The following KLF8 variants were observed in gnomAD, a reference collection of about 807,000 sequenced individuals.
The protein encoded by KLF8 is Krueppel-like factor 8.
KLF8 carries 10 observed loss-of-function variants against 18.2 expected under a neutral mutation model. The observed-to-expected ratio is 0.55, with a 90% CI of 0.34 to 0.93. The LOEUF (loss-of-function observed/expected upper bound fraction) is 0.93. KLF8 is among the 40% of genes least tolerant of loss of function. The pLI, the probability that KLF8 is intolerant of heterozygous loss-of-function variation, is 0.02. For missense variants in KLF8, 264 were observed against 277.9 expected (o/e 0.95, Z 0.36); for synonymous variants, 109 against 97.3 (o/e 1.12, Z -0.71).
the KLF8 span, among the ~76,000 whole-genome samples, chrX:56,135,343 C>T: frequency 9.0e-6 from 1 of 111,412 alleles, no homozygotes; most frequent in Non-Finnish European, 1.9e-5. Context: ...AAATGTGGCA[C>T]ATATACACCA....
At chrX:56,218,159 GAT>G in the KLF8 span, among the ~76,000 whole-genome samples, 1 of 111,008 alleles carries the variant, frequency 9.0e-6, no homozygotes, top group Non-Finnish European at 1.9e-5. Flanking sequence ...AAGGGGCAGG[GAT>G]AAAAGAACTT....
At chrX:55,948,968 A>G in the KLF8 span, among the ~76,000 whole-genome samples, 2 of 112,057 alleles carry the variant, frequency 1.8e-5, no homozygotes, top group Admixed American at 9.5e-5. Flanking sequence ...TTTTAAATAG[A>G]TCATCAATGG....
the KLF8 span, among the ~76,000 whole-genome samples, chrX:55,924,202 T>C: frequency 9.0e-6 from 1 of 111,136 alleles, no homozygotes; most frequent in African/African-American, 3.3e-5. Context: ...CCCGAGTAGC[T>C]AAGACTACAG....
chrX:56,083,615 C>CTA, the KLF8 span, among the ~76,000 whole-genome samples: 1 of 111,797 alleles, frequency 8.9e-6, no homozygotes, highest in South Asian at 3.7e-4. Flanking sequence ...GCTAGATGAT[C>CTA]TATAGCAGGA....
At chrX:56,215,525 C>T in the KLF8 span, among the ~76,000 whole-genome samples, 72 of 109,700 alleles carry the variant, frequency 6.6e-4, no homozygotes, top group Non-Finnish European at 1.3e-3. Flanking sequence ...CTCAGAAATT[C>T]ACATATCCAA....
At chrX:56,260,215 G>T (rs1228673299) in intron 2 of KLF8, among the ~76,000 whole-genome samples, 1 of 111,075 alleles carries the variant, frequency 9.0e-6, no homozygotes, top group African/African-American at 3.3e-5. Flanking sequence ...ATCTCTTCAA[G>T]ATCTTTAATT....
chrX:56,082,915 G>A, the KLF8 span, among the ~76,000 whole-genome samples: 1 of 111,803 alleles, frequency 8.9e-6, no homozygotes, highest in Non-Finnish European at 1.9e-5. Flanking sequence ...TCTTGCTGGG[G>A]ATCTTTTATA....
the KLF8 span, among the ~76,000 whole-genome samples, chrX:56,080,953 C>G: frequency 9.0e-6 from 1 of 111,135 alleles, no homozygotes; most frequent in Non-Finnish European, 1.9e-5. Flanking sequence ...GCTCCTGAGG[C>G]TTCTGCATTC....
At chrX:56,109,062 T>C in the KLF8 span, among the ~76,000 whole-genome samples, 1 of 111,596 alleles carries the variant, frequency 9.0e-6, no homozygotes, top group Non-Finnish European at 1.9e-5. Context: ...CTTTGTGTGG[T>C]TTTGATCTCT....
chrX:55,947,214 A>T, the KLF8 span, among the ~76,000 whole-genome samples: 1 of 110,959 alleles, frequency 9.0e-6, no homozygotes, highest in African/African-American at 3.3e-5. Context: ...ACTATTCACA[A>T]TAGTAAAGAC....
chrX:55,979,281 C>T, the KLF8 span, among the ~76,000 whole-genome samples: 5 of 111,969 alleles, frequency 4.5e-5, no homozygotes, highest in Non-Finnish European at 9.4e-5. Flanking sequence ...CTCTATCCTT[C>T]CTGGGATGTG....
chrX:55,940,362 T>C, the KLF8 span, among the ~76,000 whole-genome samples: 1 of 111,665 alleles, frequency 9.0e-6, no homozygotes. Flanking sequence ...AAATTAGTTA[T>C]TGATGGGACG....
the KLF8 span, among the ~76,000 whole-genome samples, chrX:56,063,883 A>G: frequency 1.8e-5 from 2 of 110,595 alleles, no homozygotes; most frequent in Non-Finnish European, 3.8e-5. Flanking sequence ...CAGTATGGCT[A>G]TGGCAGCTTC....
the KLF8 span, among the ~76,000 whole-genome samples, chrX:56,164,729 C>CTTTTTTTTTTTTTTTTTACTTTTT: frequency 1.9e-5 from 1 of 51,918 alleles, no homozygotes; most frequent in Non-Finnish European, 3.3e-5. Context: ...CTTGTTATCT[C>CTTTTTTTTTTTTTTTTTACTTTTT]TTTTTTTTTT....
At chrX:55,960,802 TAAC>T in the KLF8 span, among the ~76,000 whole-genome samples, 1 of 111,485 alleles carries the variant, frequency 9.0e-6, no homozygotes, top group Non-Finnish European at 1.9e-5. Context: ...AACAACCAAC[TAAC>T]AACATGATAA....
chrX:56,017,700 G>T, the KLF8 span, among the ~76,000 whole-genome samples: 4 of 111,307 alleles, frequency 3.6e-5, no homozygotes, highest in African/African-American at 1.3e-4. Context: ...CCCTTCAGTT[G>T]TATATGATAA....
At position 56,287,162 on chromosome X, in the gene KLF8, T is replaced by G. The variant is rs1223461776; in HGVS notation, c.*2668T>G. On this transcript the variant is annotated 3_prime_UTR_variant, in exon 6 of 6. Coordinates refer to ENST00000468660, the MANE Select transcript of KLF8 (RefSeq NM_007250.5). ...ATTGGGGTCCCTGACATCTGAGCCT[T>G]TATCTAAAAATGTTTCTGTAACATA... 2 of 111,985 alleles carry G rather than the reference T, an allele frequency of 1.8e-5. No individual in the cohort carries two copies. The highest frequency in any genetic ancestry group is 9.5e-5 in the Admixed American group (1 of 10,516). 9.2% of individuals were successfully genotyped at this position (111,985 alleles called of 1,213,427 possible). A position where few individuals can be genotyped will look rare whatever the true frequency, so the allele number is the denominator to read the frequency against.
chrX:56,142,535 A>G, the KLF8 span, among the ~76,000 whole-genome samples: 411 of 111,442 alleles, frequency 3.7e-3, 2 homozygotes, highest in African/African-American at 0.013. Context: ...TTCACATGCC[A>G]TCTAAATGTC....
the KLF8 span, among the ~76,000 whole-genome samples, chrX:56,183,835 T>C: frequency 1.8e-5 from 2 of 111,543 alleles, no homozygotes; most frequent in African/African-American, 6.5e-5. Flanking sequence ...CGAAACTCTC[T>C]AATCAAAACA....
Sources: allele counts gnomAD v4.1 joint callset (sites outside exome capture counted in the v4.1 genomes callset), GRCh38; gene constraint gnomAD v4.1.1; transcripts MANE v1.5; gene names NCBI Gene and HGNC (gene_info 2026-07-23, HGNC 2026-07-21).